Variants in AGBL4 observed in about 807,000 individuals in gnomAD.
The protein encoded by AGBL4 is cytosolic carboxypeptidase 6.
A neutral mutation model predicts 66.4 loss-of-function variants in AGBL4; 58 were observed. That is an observed-to-expected ratio of 0.87 (90% CI 0.71 to 1.09). The LOEUF is 1.09. Ranked by LOEUF, AGBL4 falls within the 50% of genes least tolerant of loss-of-function variation. AGBL4 has a pLI of 0.00. For missense variants in AGBL4, 579 were observed against 631.0 expected, an observed-to-expected ratio of 0.92 and a Z score of 0.88; for synonymous variants, 234 against 222.9, an observed-to-expected ratio of 1.05 and a Z score of -0.44.
chr1:49,946,322 T>G (rs1476939867), intron 1 of AGBL4, among the ~76,000 whole-genome samples: 1 of 151,984 alleles, frequency 6.6e-6, no homozygotes, highest in African/African-American at 2.4e-5. Context: ...AAAACAAGCC[T>G]CAATAAATTT....
chr1:48,565,184 G>A (rs962704032), intron 11 of AGBL4, among the ~76,000 whole-genome samples: 4 of 152,216 alleles, frequency 2.6e-5, no homozygotes, highest in African/African-American at 9.6e-5. Context: ...AATGGTTACA[G>A]ATGGGAGCAA....
chr1:48,704,794 C>T (rs571601807), intron 6 of AGBL4, among the ~76,000 whole-genome samples: 4 of 152,268 alleles, frequency 2.6e-5, no homozygotes, highest in Non-Finnish European at 4.4e-5. Flanking sequence ...TTATAGTTAA[C>T]TTCTTTGTAT....
chr1:49,003,078 G>C (rs545771175), intron 5 of AGBL4, among the ~76,000 whole-genome samples: 36 of 152,258 alleles, frequency 2.4e-4, no homozygotes, highest in Admixed American at 2.4e-3. Flanking sequence ...AAATCCCAAA[G>C]AATGAATGAC....
At chr1:49,835,412 T>A (rs773703265) in intron 2 of AGBL4, among the ~76,000 whole-genome samples, 1 of 152,208 alleles carries the variant, frequency 6.6e-6, no homozygotes, top group East Asian at 1.9e-4. Flanking sequence ...TTTTTTCCTA[T>A]CCATTTGCTT....
At chr1:49,246,970 A>G (rs1256685507) in intron 3 of AGBL4, among the ~76,000 whole-genome samples, 1 of 152,042 alleles carries the variant, frequency 6.6e-6, no homozygotes, top group Non-Finnish European at 1.5e-5. Flanking sequence ...AAACATTGGA[A>G]ATATTCTTCT....
chr1:49,436,612 A>C (rs1275925655), intron 3 of AGBL4, among the ~76,000 whole-genome samples: 1 of 152,212 alleles, frequency 6.6e-6, no homozygotes, highest in Non-Finnish European at 1.5e-5. Context: ...TGGGAATGCA[A>C]GAACAAAGGG....
intron 4 of AGBL4, among the ~76,000 whole-genome samples, chr1:49,216,841 T>A (rs1375092784): frequency 2.0e-5 from 3 of 152,150 alleles, no homozygotes; most frequent in Non-Finnish European, 4.4e-5. Flanking sequence ...TGAGATATAC[T>A]ATTGTTTCAG....
chr1:49,948,484 TAAATATATAA>T (rs1655724976), intron 1 of AGBL4, among the ~76,000 whole-genome samples: 1 of 111,554 alleles, frequency 9.0e-6, no homozygotes, highest in African/African-American at 3.4e-5. Context: ...TATATAAATA[TAAATATATAA>T]AAATATATAT....
chr1:49,521,851 T>C (rs1650287331), intron 3 of AGBL4, among the ~76,000 whole-genome samples: 1 of 151,932 alleles, frequency 6.6e-6, no homozygotes, highest in Non-Finnish European at 1.5e-5. Flanking sequence ...CAAAATAAAC[T>C]ATCAACAGAG....
chr1:49,844,854 A>G, intron 2 of AGBL4: 1 of 1,504,548 alleles, frequency 6.6e-7, no homozygotes, highest in Non-Finnish European at 9.2e-7. Flanking sequence ...GTGAGAGCCT[A>G]GAGAGCCTGG....
intron 5 of AGBL4, among the ~76,000 whole-genome samples, chr1:48,928,391 C>T (rs1654766872): frequency 6.6e-6 from 1 of 152,112 alleles, no homozygotes; most frequent in Non-Finnish European, 1.5e-5. Flanking sequence ...AGTATGTATT[C>T]CTGGAAGAAA....
chr1:49,332,407 A>C (rs981794087), intron 3 of AGBL4, among the ~76,000 whole-genome samples: 7 of 152,224 alleles, frequency 4.6e-5, no homozygotes, highest in African/African-American at 1.7e-4. Flanking sequence ...AGTTATAACC[A>C]ATTTTCAAGG....
chr1:49,191,194 C>T (rs989691331), intron 4 of AGBL4, among the ~76,000 whole-genome samples: 7 of 152,312 alleles, frequency 4.6e-5, no homozygotes, highest in South Asian at 4.1e-4. Context: ...AAGGGAAGGA[C>T]GAAGTCTCCA....
chr1:49,225,551 C>G (rs1451092871), intron 4 of AGBL4, among the ~76,000 whole-genome samples: 1 of 152,186 alleles, frequency 6.6e-6, no homozygotes, highest in Non-Finnish European at 1.5e-5. Flanking sequence ...GCTGATCCCA[C>G]CTACCTTAAC....
At chr1:49,681,508 C>T (rs911695869) in intron 3 of AGBL4, among the ~76,000 whole-genome samples, 1 of 152,114 alleles carries the variant, frequency 6.6e-6, no homozygotes, top group Non-Finnish European at 1.5e-5. Context: ...CACTATGCTT[C>T]CAGTGTTAGC....
chr1:48,715,696 GA>G (rs1335661429), intron 6 of AGBL4, among the ~76,000 whole-genome samples: 1 of 20,326 alleles, frequency 4.9e-5, no homozygotes, highest in African/African-American at 8.4e-5. Flanking sequence ...AGTGGGGAGG[GA>G]AAAAAATGTG....
At chr1:48,697,476 G>A (rs1173797882) in intron 6 of AGBL4, among the ~76,000 whole-genome samples, 1 of 152,226 alleles carries the variant, frequency 6.6e-6, no homozygotes, top group Non-Finnish European at 1.5e-5. Flanking sequence ...GATAGGTAAA[G>A]TGAGGCTGAG....
At chr1:48,879,927 A>G (rs1211064061) in intron 5 of AGBL4, among the ~76,000 whole-genome samples, 1 of 152,226 alleles carries the variant, frequency 6.6e-6, no homozygotes, top group African/African-American at 2.4e-5. Flanking sequence ...TGAAAAATAC[A>G]TATAAAATCT....
intron 2 of AGBL4, among the ~76,000 whole-genome samples, chr1:49,725,630 C>T (rs1054660379): frequency 6.7e-6 from 1 of 149,940 alleles, no homozygotes; most frequent in Non-Finnish European, 1.5e-5. Flanking sequence ...TCAAAAAGCA[C>T]ATTTAAGGCC....
Sources: allele counts gnomAD v4.1 joint callset (sites outside exome capture counted in the v4.1 genomes callset), GRCh38; gene constraint gnomAD v4.1.1; transcripts MANE v1.5; gene names NCBI Gene and HGNC (gene_info 2026-07-23, HGNC 2026-07-21).